The following LRRC3B variants were observed in gnomAD, a reference collection of about 807,000 sequenced individuals.
The protein encoded by LRRC3B is leucine-rich repeat-containing protein 3B.
A neutral mutation model predicts 12.8 loss-of-function variants in LRRC3B; 2 were observed. That is an observed-to-expected ratio of 0.16 (90% CI 0.06 to 0.49). The LOEUF (loss-of-function observed/expected upper bound fraction) is 0.49. Among genes scored for constraint, LRRC3B ranks in the 20% least tolerant of loss-of-function variants. LRRC3B has a pLI of 0.96. For synonymous variants in LRRC3B, 132 were observed against 122.0 expected (o/e 1.08, Z -0.54); for missense variants, 189 against 319.4 (o/e 0.59, Z 3.11).
intron 1 of LRRC3B, among the ~76,000 whole-genome samples, chr3:26,685,489 CTCT>C: frequency 2.7e-5 from 1 of 36,456 alleles, no homozygotes; most frequent in East Asian, 1.9e-3. Context: ...CTCTCTCCCT[CTCT>C]CTCTCTCTCT....
chr3:26,648,774 T>C (rs1484954372), intron 1 of LRRC3B, among the ~76,000 whole-genome samples: 1 of 152,236 alleles, frequency 6.6e-6, no homozygotes, highest in Non-Finnish European at 1.5e-5. Flanking sequence ...CATTTTAATG[T>C]TTAATTTGAG....
At chr3:26,636,307 G>A (rs1698869499) in intron 1 of LRRC3B, among the ~76,000 whole-genome samples, 1 of 152,082 alleles carries the variant, frequency 6.6e-6, no homozygotes, top group Admixed American at 6.5e-5. Flanking sequence ...CAGTGGGCAG[G>A]TTGCCATAGA....
intron 1 of LRRC3B, among the ~76,000 whole-genome samples, chr3:26,654,978 A>T (rs1003882151): frequency 3.3e-5 from 5 of 152,148 alleles, no homozygotes; most frequent in African/African-American, 1.2e-4. Context: ...ATATATTTTT[A>T]AATTACTTAG....
At chr3:26,691,022 CAT>C (rs200223017) in intron 1 of LRRC3B, among the ~76,000 whole-genome samples, 21 of 142,678 alleles carry the variant, frequency 1.5e-4, no homozygotes, top group Admixed American at 3.6e-4. Flanking sequence ...TATATACTTA[CAT>C]ATATATATAT....
intron 1 of LRRC3B, chr3:26,701,207 C>T (rs1283236630): frequency 6.6e-6 from 1 of 152,002 alleles, no homozygotes; most frequent in Non-Finnish European, 1.5e-5. Context: ...AACTGTTCTC[C>T]CCTTCCCTTT....
At chr3:26,683,198 C>A (rs992430487) in intron 1 of LRRC3B, among the ~76,000 whole-genome samples, 1 of 152,168 alleles carries the variant, frequency 6.6e-6, no homozygotes, top group Non-Finnish European at 1.5e-5. Flanking sequence ...AGGAAGAGGG[C>A]AGCAGTTTAA....
intron 1 of LRRC3B, among the ~76,000 whole-genome samples, chr3:26,668,730 A>G (rs935134238): frequency 6.6e-6 from 1 of 152,230 alleles, no homozygotes; most frequent in African/African-American, 2.4e-5. Flanking sequence ...TGGAAAATAC[A>G]GAAAAGCAAA....
At chr3:26,660,228 G>GAGTTGCCCCTTA (rs1476275725) in intron 1 of LRRC3B, among the ~76,000 whole-genome samples, 1 of 152,172 alleles carries the variant, frequency 6.6e-6, no homozygotes, top group African/African-American at 2.4e-5. Flanking sequence ...GCAGGTAGTA[G>GAGTTGCCCCTTA]AGTTGCCCCT....
At chr3:26,668,646 T>C (rs928194774) in intron 1 of LRRC3B, among the ~76,000 whole-genome samples, 3 of 152,156 alleles carry the variant, frequency 2.0e-5, no homozygotes, top group Non-Finnish European at 2.9e-5. Flanking sequence ...TGAGACCTTT[T>C]GTTAACTTTT....
chr3:26,635,950 AAAAT>A (rs1353361867), intron 1 of LRRC3B, among the ~76,000 whole-genome samples: 1 of 152,238 alleles, frequency 6.6e-6, no homozygotes, highest in Non-Finnish European at 1.5e-5. Context: ...AGATTAAGAA[AAAAT>A]AAATTATTTT....
chr3:26,683,741 A>ACAG (rs762349116), intron 1 of LRRC3B, among the ~76,000 whole-genome samples: 2 of 152,204 alleles, frequency 1.3e-5, no homozygotes, highest in Non-Finnish European at 2.9e-5. Context: ...CTGGCCTAAG[A>ACAG]CAGCAGCCTT....
At chr3:26,696,675 TACTA>T (rs1163143115) in intron 1 of LRRC3B, among the ~76,000 whole-genome samples, 1 of 152,190 alleles carries the variant, frequency 6.6e-6, no homozygotes, top group East Asian at 1.9e-4. Flanking sequence ...GTGAGGGACA[TACTA>T]ACTATCCTGT....
At chr3:26,696,150 C>G (rs1210778079) in intron 1 of LRRC3B, among the ~76,000 whole-genome samples, 1 of 152,088 alleles carries the variant, frequency 6.6e-6, no homozygotes, top group Non-Finnish European at 1.5e-5. Context: ...CACTGAGGTA[C>G]TATGCAGGCA....
intron 1 of LRRC3B, among the ~76,000 whole-genome samples, chr3:26,664,324 G>A (rs1699554168): frequency 6.6e-6 from 1 of 152,016 alleles, no homozygotes; most frequent in Non-Finnish European, 1.5e-5. Context: ...GAGAATTTGA[G>A]TATTGCTATA....
intron 1 of LRRC3B, among the ~76,000 whole-genome samples, chr3:26,626,161 A>G (rs765313298): frequency 4.6e-5 from 7 of 152,328 alleles, no homozygotes; most frequent in Non-Finnish European, 1.0e-4. Context: ...CGCCTGTCTC[A>G]AAGTTTGTTG....
chr3:26,652,711 A>T (rs6551120), intron 1 of LRRC3B, among the ~76,000 whole-genome samples: 62,750 of 151,450 alleles, frequency 0.41, 14,854 homozygotes, highest in African/African-American at 0.65. Context: ...TCTTTTTTTT[A>T]AAAAAAAATC....
chr3:26,693,577 A>G (rs950604565), intron 1 of LRRC3B, among the ~76,000 whole-genome samples: 9 of 152,190 alleles, frequency 5.9e-5, no homozygotes, highest in Non-Finnish European at 1.3e-4. Flanking sequence ...TTTGGAAGCA[A>G]TCTATCAAAC....
intron 1 of LRRC3B, among the ~76,000 whole-genome samples, chr3:26,697,335 C>G (rs1322338592): frequency 6.6e-6 from 1 of 152,142 alleles, no homozygotes; most frequent in Non-Finnish European, 1.5e-5. Flanking sequence ...CTTGTCAGCA[C>G]TTCTTGACTT....
intron 1 of LRRC3B, among the ~76,000 whole-genome samples, chr3:26,668,180 G>A (rs753229364): frequency 6.6e-6 from 1 of 152,114 alleles, no homozygotes; most frequent in African/African-American, 2.4e-5. Context: ...GCATTAACGA[G>A]CCCTGTTGAA....
Sources: gnomAD v4.1 joint callset for allele counts (sites outside exome capture counted in the v4.1 genomes callset) on GRCh38, gnomAD v4.1.1 for gene constraint, MANE v1.5 for transcripts, NCBI Gene and HGNC (gene_info 2026-07-23, HGNC 2026-07-21) for gene names.